The following FBXL5 variants were observed in gnomAD, a reference collection of about 807,000 sequenced individuals.
The protein encoded by FBXL5 is F-box/LRR-repeat protein 5.
A neutral mutation model predicts 78.3 loss-of-function variants in FBXL5; 26 were observed. The observed-to-expected ratio is 0.33, with a 90% CI of 0.24 to 0.46. The LOEUF is 0.46. FBXL5 is among the 20% of genes least tolerant of loss of function. The pLI, the probability that FBXL5 is intolerant of heterozygous loss-of-function variation, is 1.00. For synonymous variants in FBXL5, 295 were observed against 282.5 expected (o/e 1.04, Z -0.45); for missense variants, 710 against 829.2 (o/e 0.86, Z 1.77).
chr4:15,641,950 C>T (rs1324855075), intron 2 of FBXL5, among the ~76,000 whole-genome samples: 1 of 151,892 alleles, frequency 6.6e-6, no homozygotes, highest in Non-Finnish European at 1.5e-5. Flanking sequence ...ACTGCTTGAA[C>T]CTGGAAGAAG....
intron 10 of FBXL5, 76 bp from the exon 11 acceptor site, chr4:15,605,875 T>C: frequency 9.4e-6 from 10 of 1,061,230 alleles, no homozygotes; most frequent in Non-Finnish European, 1.4e-5. Context: ...TATGAAGGAG[T>C]TAAACATTCA....
intron 1 of FBXL5, among the ~76,000 whole-genome samples, chr4:15,653,981 C>A (rs1232132182): frequency 6.6e-6 from 1 of 152,120 alleles, no homozygotes; most frequent in African/African-American, 2.4e-5. Flanking sequence ...CTGGTGTTTC[C>A]AACTCATGTG....
intron 2 of FBXL5, among the ~76,000 whole-genome samples, chr4:15,641,829 C>A (rs981384220): frequency 4.6e-5 from 7 of 151,994 alleles, no homozygotes; most frequent in Admixed American, 4.6e-4. Context: ...GAGTTCAAGA[C>A]CAGCCAGCCC....
intron 5 of FBXL5, among the ~76,000 whole-genome samples, chr4:15,633,591 T>C (rs1329832456): frequency 2.6e-5 from 4 of 152,178 alleles, no homozygotes; most frequent in Non-Finnish European, 2.9e-5. Context: ...GCGGAATCAA[T>C]TTACTGAACT....
At chr4:15,612,556 T>C (rs73239175) in intron 9 of FBXL5, 142 bp from the exon 10 acceptor site, 71,198 of 695,090 alleles carry the variant, frequency 0.1, 4,221 homozygotes, top group Non-Finnish European at 0.12. Flanking sequence ...CACTGATAAC[T>C]AACCTCATCC....
At position 15,604,426 on chromosome 4, in the gene FBXL5, T is replaced by C. The variant is rs1721751934; in HGVS notation, c.*1297A>G. The C allele has an allele frequency of 6.6e-6, 1 of 152,152 alleles. No individual in the cohort carries two copies. Among genetic ancestry groups the C allele is most frequent in the African/African-American group, 2.4e-5 (1 of 41,402 alleles). 9.4% of individuals were successfully genotyped at this position (152,152 alleles called of 1,614,324 possible). A position where few individuals can be genotyped will look rare whatever the true frequency, so the allele number is the denominator to read the frequency against. ...TCTTATTAGGGCACAGTTCATGGCA[T>C]TCCAAAGCAATTACAATAGTAACAA... On this transcript the variant is annotated 3_prime_UTR_variant, in exon 11 of 11. Coordinates refer to ENST00000341285, the MANE Select transcript of FBXL5 (RefSeq NM_012161.4).
chr4:15,662,411 C>T (rs952524097), upstream of FBXL5, among the ~76,000 whole-genome samples: 9 of 152,266 alleles, frequency 5.9e-5, no homozygotes, highest in East Asian at 1.7e-3. Flanking sequence ...AAATATACTT[C>T]ATAGTGTTGT....
At chr4:15,663,733 C>T (rs1717414458), upstream of FBXL5, among the ~76,000 whole-genome samples, 1 of 152,180 alleles carries the variant, frequency 6.6e-6, no homozygotes, top group South Asian at 2.1e-4. Context: ...ATTTCTGTCA[C>T]TACTCAACAA....
At chr4:15,634,048 C>T (rs1230095146) in intron 5 of FBXL5, among the ~76,000 whole-genome samples, 8 of 151,998 alleles carry the variant, frequency 5.3e-5, no homozygotes, top group Non-Finnish European at 1.2e-4. Context: ...CTACTAGATG[C>T]CAATATGATA....
In FBXL5 at chr4:15,605,703, C is replaced by A; in HGVS notation, c.*20G>T. The A allele has an allele frequency of 6.2e-7, 1 of 1,610,196 alleles. No homozygotes were observed. Among genetic ancestry groups the A allele is most frequent in the East Asian group, 2.2e-5 (1 of 44,832 alleles). ...AGCCTGCTCAGCTAAATGAAGTAGA[C>A]AAAGATCAGAAGTCAAGGGTCATTC... On this transcript the variant is annotated 3_prime_UTR_variant, in exon 11 of 11. Transcript: ENST00000341285.
chr4:15,672,232 C>T (rs915117996), intron 1 of FBXL5, among the ~76,000 whole-genome samples: 1 of 152,208 alleles, frequency 6.6e-6, no homozygotes, highest in African/African-American at 2.4e-5. Context: ...ATTCTATGCA[C>T]TCTACCCAAT....
chr4:15,675,572 A>ATT (rs60660814), intron 1 of FBXL5, among the ~76,000 whole-genome samples: 28 of 96,678 alleles, frequency 2.9e-4, no homozygotes, highest in African/African-American at 5.4e-4. Context: ...CAAAACTCCT[A>ATT]TTTTTTTTTT....
At chr4:15,663,784 T>C (rs2148779783), upstream of FBXL5, among the ~76,000 whole-genome samples, 1 of 152,338 alleles carries the variant, frequency 6.6e-6, no homozygotes, top group South Asian at 2.1e-4. Context: ...ACAGATTCAG[T>C]AAGTCCAAAA....
At chr4:15,679,165 C>T (rs548514655) in intron 1 of FBXL5, among the ~76,000 whole-genome samples, 4 of 150,654 alleles carry the variant, frequency 2.7e-5, no homozygotes, top group Non-Finnish European at 4.4e-5. Context: ...TGGGTTCAAG[C>T]GATTCTCCTG....
At chr4:15,625,123 G>C (rs544927725) in intron 9 of FBXL5, 129 bp downstream of exon 9, 6 of 992,182 alleles carry the variant, frequency 6.0e-6, no homozygotes, top group East Asian at 2.6e-5. Context: ...CTCTGAAGTA[G>C]GGCAGATCTT....
At chr4:15,612,483 C>A in intron 9 of FBXL5, 69 bp from the exon 10 acceptor site, 2 of 1,353,718 alleles carry the variant, frequency 1.5e-6, no homozygotes, top group Non-Finnish European at 2.0e-6. Context: ...CTATGGTTCA[C>A]TGAACCACTA....
At chr4:15,615,206 T>A (rs1413195239) in intron 9 of FBXL5, among the ~76,000 whole-genome samples, 1 of 152,282 alleles carries the variant, frequency 6.6e-6, no homozygotes, top group East Asian at 1.9e-4. Context: ...ACCCACTCCA[T>A]GGGCTCCTGT....
intron 10 of FBXL5, chr4:15,612,006 C>A: frequency 3.4e-6 from 1 of 290,804 alleles, no homozygotes; most frequent in Non-Finnish European, 6.3e-6. Context: ...ATTAACTTAC[C>A]ATTTTTGATT....
At chr4:15,664,550 C>CTTTTTTTTTT (rs35319145), upstream of FBXL5, among the ~76,000 whole-genome samples, 1 of 75,522 alleles carries the variant, frequency 1.3e-5, no homozygotes, top group African/African-American at 5.3e-5. Flanking sequence ...GGCCCTCATC[C>CTTTTTTTTTT]TTTTTTTTTT....
Sources: gnomAD v4.1 joint callset for allele counts (sites outside exome capture counted in the v4.1 genomes callset) on GRCh38, gnomAD v4.1.1 for gene constraint, MANE v1.5 for transcripts, NCBI Gene and HGNC (gene_info 2026-07-23, HGNC 2026-07-21) for gene names.